The following GSTM4 variants were observed in gnomAD, a reference collection of about 807,000 sequenced individuals.
GSTM4 encodes glutathione S-transferase mu 4.
GSTM4 carries 27 observed loss-of-function variants against 30.1 expected under a neutral mutation model. The ratio of observed to expected loss-of-function variants is 0.90; its 90% CI spans 0.66 to 1.24. The LOEUF (loss-of-function observed/expected upper bound fraction) is 1.24. GSTM4 is among the 50% of genes most tolerant of loss of function. The probability of loss-of-function intolerance (pLI) is 0.00; values close to 1 mark genes in which losing one functional copy is unlikely to be tolerated. For missense variants in GSTM4, 238 were observed against 272.1 expected (o/e 0.87, Z 0.88); for synonymous variants, 94 against 96.2 (o/e 0.98, Z 0.13).
intron 7 of GSTM4, chr1:109,660,874 G>A (rs551598267): frequency 3.7e-5 from 16 of 435,444 alleles, no homozygotes; most frequent in Admixed American, 3.7e-4. Flanking sequence ...CAGAGTAGTC[G>A]AGTGGGTTTT....
downstream of GSTM4, among the ~76,000 whole-genome samples, chr1:109,662,225 C>T (rs1652348213): frequency 6.6e-6 from 1 of 152,196 alleles, no homozygotes; most frequent in Non-Finnish European, 1.5e-5. Context: ...CCTAGATCTT[C>T]ATTTATTTTT....
chr1:109,665,290 T>C, downstream of GSTM4: 1 of 566,762 alleles, frequency 1.8e-6, no homozygotes, highest in Non-Finnish European at 3.2e-6. Flanking sequence ...CCTGGTTCTC[T>C]GGCCTTCAGA....
chr1:109,656,642 C>T (rs1652009703), intron 1 of GSTM4, 70 bp from the exon 2 acceptor site: 1 of 1,463,408 alleles, frequency 6.8e-7, no homozygotes, highest in African/African-American at 1.4e-5. Flanking sequence ...AGGGGCTCAC[C>T]TGGTGCAGAG....
At position 109,661,509 on chromosome 1, in the gene GSTM4, T is replaced by A; in HGVS notation, c.*255T>A. 1 of 1,353,758 alleles carries A rather than the reference T, an allele frequency of 7.4e-7. No homozygotes were observed. Among genetic ancestry groups the A allele is most frequent in the Non-Finnish European group, 9.6e-7 (1 of 1,046,642 alleles). 83.9% of individuals were successfully genotyped at this position (1,353,758 alleles called of 1,614,324 possible). ...CTCCCAACACTACCCTTCCCTGCAC[T>A]AAAGCCAGCCTGACCTTCCTTCCTG... On this transcript the variant is annotated 3_prime_UTR_variant, in exon 8 of 8. Coordinates refer to ENST00000369836, the MANE Select transcript of GSTM4 (RefSeq NM_000850.5).
chr1:109,661,534 G>A lies in GSTM4; in HGVS notation c.*280G>A. Reference sequence around the variant, plus strand: ...TAAAGCCAGCCTGACCTTCCTTCCTGTTAGTGGTTGTATCTGCTTTGAAGG... The same window carrying A: ...TAAAGCCAGCCTGACCTTCCTTCCTATTAGTGGTTGTATCTGCTTTGAAGG... On this transcript the variant is annotated 3_prime_UTR_variant, in exon 8 of 8. Coordinates refer to ENST00000369836, the MANE Select transcript of GSTM4 (RefSeq NM_000850.5). 1 of 1,320,800 alleles carries A rather than the reference G, an allele frequency of 7.6e-7. No individual in the cohort carries two copies. The highest frequency in any genetic ancestry group is 9.7e-7 in the Non-Finnish European group (1 of 1,026,684). 81.8% of individuals were successfully genotyped at this position (1,320,800 alleles called of 1,614,324 possible).
Position 109,656,261 on chromosome 1 carries a change from C to T in GSTM4, c.-129C>T. 1.2e-6 allele frequency: 1 copy of T among 858,038 alleles called. No individual in the cohort carries two copies. The highest frequency in any genetic ancestry group is 1.9e-6 in the Non-Finnish European group (1 of 516,586). 53.2% of individuals were successfully genotyped at this position (858,038 alleles called of 1,614,324 possible). A position where few individuals can be genotyped will look rare whatever the true frequency, so the allele number is the denominator to read the frequency against. On this transcript the variant is annotated 5_prime_UTR_variant, in exon 1 of 8. Coordinates refer to ENST00000369836, the MANE Select transcript of GSTM4 (RefSeq NM_000850.5). Reference sequence around the variant, plus strand: ...GGTTGGAAGTGACGACCTTGAAGATCGGCGGGCGCAGCGGGGCCGAGGGGG... The same window carrying T: ...GGTTGGAAGTGACGACCTTGAAGATTGGCGGGCGCAGCGGGGCCGAGGGGG...
At chr1:109,665,229 G>T, downstream of GSTM4, 1 of 626,934 alleles carries the variant, frequency 1.6e-6, no homozygotes, top group South Asian at 1.8e-5. Context: ...GGGTGAATTT[G>T]ACCTCTCTGA....
Position 109,657,879 on chromosome 1 carries a change from C to T in GSTM4, c.360+7C>T, listed in dbSNP as rs775211248. 3 of 1,612,080 alleles carry T rather than the reference C, an allele frequency of 1.9e-6. No individual in the cohort carries two copies. Among genetic ancestry groups the T allele is most frequent in the East Asian group, 2.2e-5 (1 of 44,886 alleles). On this transcript the variant is annotated splice_region_variant and intron_variant, in intron 5 of 7. Transcript: ENST00000369836. ...CTGCTACAGCCCTGACTTTGTGAGTCCCTCCCTGGTCTGGACCAGAAGCCA... is the reference window on the plus strand; with the variant it reads ...CTGCTACAGCCCTGACTTTGTGAGTTCCTCCCTGGTCTGGACCAGAAGCCA...
At chr1:109,660,822 C>T (rs1420345880) in intron 7 of GSTM4, 1 of 301,072 alleles carries the variant, frequency 3.3e-6, no homozygotes, top group East Asian at 7.5e-5. Context: ...TACTGAACTT[C>T]TGTTTCCCAC....
At chr1:109,660,332 A>G (rs959573774) in intron 7 of GSTM4, 1 of 153,558 alleles carries the variant, frequency 6.5e-6, no homozygotes, top group African/African-American at 2.4e-5. Flanking sequence ...TTACACGGCT[A>G]TTTGATCCTG....
chr1:109,667,306 T>C (rs1256601983), downstream of GSTM4, among the ~76,000 whole-genome samples: 1 of 151,986 alleles, frequency 6.6e-6, no homozygotes, highest in Admixed American at 6.6e-5. Flanking sequence ...TGGTAGTTTT[T>C]TTTTTTTAAC....
In GSTM4 at chr1:109,661,199, G is replaced by T. The variant is rs765537808; in HGVS notation, c.602G>T (p.Ser201Ile). The change falls in exon 8 of 8, where the codon AGC becomes ATC. Residue 201 changes from serine (S) to isoleucine (I), a missense_variant. Coordinates refer to ENST00000369836, the MANE Select transcript of GSTM4 (RefSeq NM_000850.5). ...AAGATCTCTGCCTACATGAAGTCCA[G>T]CCGCTTCCTCCCAAAACCTCTGTAC... is the stretch of plus-strand genomic sequence containing the variant. ...LEKISAYMKS[S>I]RFLPKPLYTR... is the part of the protein sequence containing the mutation. 4 of 1,611,616 alleles carry T rather than the reference G, an allele frequency of 2.5e-6. No homozygotes were observed. In the South Asian group the frequency reaches 4.4e-5, roughly 18 times the overall value.
Position 109,657,670 on chromosome 1 carries a change from G to C in GSTM4, c.258G>C (p.Leu86=). ...ILCYIARKHN[L]CGETEEEKIR... is the part of the protein sequence containing the mutation. ...GCTACATTGCCCGCAAGCACAACCT[G>C]TGTGAGTGTGGTTGGCTGCAGTGTG... Residue 86 remains leucine, a splice_region_variant and synonymous_variant, in exon 4 of 8, where the codon CTG becomes CTC. Transcript: ENST00000369836. 6.2e-7 allele frequency: 1 copy of C among 1,614,260 alleles called. No individual in the cohort carries two copies.
intron 7 of GSTM4, chr1:109,659,533 G>T: frequency 1.8e-6 from 1 of 560,830 alleles, no homozygotes; most frequent in South Asian, 2.2e-5. Flanking sequence ...TTAGGAGCAT[G>T]GATGCAGCTG....
intron 7 of GSTM4, chr1:109,659,744 G>T: frequency 4.4e-6 from 2 of 449,744 alleles, no homozygotes; most frequent in East Asian, 6.7e-5. Context: ...CTCTGTGCTG[G>T]GGCACTCTCC....
chr1:109,656,271 A>C lies in GSTM4; in HGVS notation c.-119A>C. On this transcript the variant is annotated 5_prime_UTR_variant, in exon 1 of 8. Transcript: ENST00000369836. The stretch of plus-strand genomic sequence containing the variant: ...GACGACCTTGAAGATCGGCGGGCGC[A>C]GCGGGGCCGAGGGGGCGGGTCTGGC... The C allele has an allele frequency of 1.0e-6, 1 of 968,542 alleles. No individual in the cohort carries two copies. The highest frequency in any genetic ancestry group is 1.6e-6 in the Non-Finnish European group (1 of 606,066). 60.0% of individuals were successfully genotyped at this position (968,542 alleles called of 1,614,324 possible).
downstream of GSTM4, chr1:109,665,255 C>T (rs1449196314): frequency 1.7e-6 from 1 of 604,966 alleles, no homozygotes; most frequent in Admixed American, 2.7e-5. Flanking sequence ...ACATCCATCT[C>T]TGCCTATCCT....
At chr1:109,658,737 C>T (rs1283739976) in intron 5 of GSTM4, 77 bp from the exon 6 acceptor site, 4 of 1,036,398 alleles carry the variant, frequency 3.9e-6, no homozygotes, top group Non-Finnish European at 6.1e-6. Flanking sequence ...CAGCTGGGGC[C>T]ATACACAGCC....
At chr1:109,662,254 A>G (rs770488822), downstream of GSTM4, among the ~76,000 whole-genome samples, 8 of 152,224 alleles carry the variant, frequency 5.3e-5, no homozygotes, top group Non-Finnish European at 1.0e-4. Flanking sequence ...AGTATTATTC[A>G]GTGCTTTCCA....
Sources: allele counts gnomAD v4.1 joint callset (sites outside exome capture counted in the v4.1 genomes callset), GRCh38; gene constraint gnomAD v4.1.1; transcripts MANE v1.5; gene names NCBI Gene and HGNC (gene_info 2026-07-23, HGNC 2026-07-21).